FOCAD: variants seen among roughly 807,000 people sequenced by gnomAD.
FOCAD encodes the protein KIAA1797.
A neutral mutation model predicts 225.6 loss-of-function variants in FOCAD; 198 were observed. The ratio of observed to expected loss-of-function variants is 0.88; its 90% CI spans 0.78 to 0.99. The LOEUF is 0.99. Among genes scored for constraint, FOCAD ranks in the 50% least tolerant of loss-of-function variants. The pLI, the probability that FOCAD is intolerant of heterozygous loss-of-function variation, is 0.00. For synonymous variants in FOCAD, 897 were observed against 755.0 expected, an observed-to-expected ratio of 1.19 and a Z score of -3.08; for missense variants, 2,713 against 2,123.6, an observed-to-expected ratio of 1.28 and a Z score of -5.46.
intron 35 of FOCAD, among the ~76,000 whole-genome samples, chr9:20,969,430 A>G (rs1261734750): frequency 2.0e-5 from 3 of 152,004 alleles, no homozygotes; most frequent in African/African-American, 7.3e-5. Flanking sequence ...TTCTGTCAGT[A>G]TTTATATATT....
intron 11 of FOCAD, among the ~76,000 whole-genome samples, chr9:20,800,482 C>T (rs1345440401): frequency 6.6e-6 from 1 of 152,146 alleles, no homozygotes; most frequent in Non-Finnish European, 1.5e-5. Flanking sequence ...CTTTCAGGTA[C>T]ACCAATCAGA....
intron 1 of FOCAD, among the ~76,000 whole-genome samples, chr9:20,713,069 A>T (rs4977831): frequency 7.2e-5 from 11 of 152,052 alleles, no homozygotes; most frequent in Non-Finnish European, 1.3e-4. Context: ...ATTAGCAGCC[A>T]CATTGGCTTT....
intron 5 of FOCAD, among the ~76,000 whole-genome samples, chr9:20,749,460 A>C (rs1201384955): frequency 6.6e-6 from 1 of 152,156 alleles, no homozygotes; most frequent in African/African-American, 2.4e-5. Flanking sequence ...TCTTCTTTAT[A>C]GTGATATTCA....
chr9:20,820,926 A>C lies in FOCAD; in HGVS notation c.1663-15A>C. 1.2e-6 allele frequency: 2 copies of C among 1,603,018 alleles called. No homozygotes were observed. Among genetic ancestry groups the C allele is most frequent in the Non-Finnish European group, 1.7e-6 (2 of 1,175,298 alleles). On this transcript the variant is annotated splice_polypyrimidine_tract_variant and intron_variant, in intron 13 of 43. Transcript: ENST00000338382. ...AAGTTGGGAAACTACCTTTTTTGTA[A>C]AATTGCCTTCGTAGGACCGAGTCTA...
At chr9:20,885,030 G>T in intron 20 of FOCAD, 79 bp from the exon 21 acceptor site, 1 of 893,732 alleles carries the variant, frequency 1.1e-6, no homozygotes, top group African/African-American at 1.8e-5. Context: ...CTGCACTCCA[G>T]CCTGGGCAAC....
In FOCAD at chr9:20,944,676, A is replaced by G; in HGVS notation, c.3457A>G (p.Ser1153Gly). Residue 1153 changes from serine to glycine, a missense_variant, in exon 29 of 44, where the codon AGC becomes GGC. Coordinates refer to ENST00000338382, the MANE Select transcript of FOCAD (RefSeq NM_001375567.1). ...ACTTGTTCTGTCCCTCATGAGCCAC[A>G]GCAGCCAAATGCAGTCCCGCGTTCA... The part of the protein sequence containing the change: ...VGLVLSLMSH[S>G]SQMQSRVHVA... 6.2e-7 allele frequency: 1 copy of G among 1,614,140 alleles called. No individual in the cohort carries two copies. The highest frequency in any genetic ancestry group is 8.5e-7 in the Non-Finnish European group (1 of 1,179,968).
At position 20,976,468 on chromosome 9, in the gene FOCAD, T is replaced by C; in HGVS notation, c.4181T>C (p.Ile1394Thr). 6.2e-7 allele frequency: 1 copy of C among 1,613,252 alleles called. No individual in the cohort carries two copies. The highest frequency in any genetic ancestry group is 8.5e-7 in the Non-Finnish European group (1 of 1,179,332). ...CTTCTTAAAGTAGTGATGAAACCCA[T>C]AGCAACTGTTGGAGAAAGCTACCAA... is the stretch of plus-strand genomic sequence containing the variant. The part of the protein sequence containing the change: ...PSLLKVVMKP[I>T]ATVGESYQYP... Residue 1394 changes from isoleucine to threonine, a missense_variant, in exon 36 of 44, where the codon ATA (isoleucine) becomes ACA (threonine). Coordinates refer to ENST00000338382, the MANE Select transcript of FOCAD (RefSeq NM_001375567.1).
At chr9:20,809,199 A>C (rs1822786594) in intron 11 of FOCAD, among the ~76,000 whole-genome samples, 1 of 152,076 alleles carries the variant, frequency 6.6e-6, no homozygotes, top group African/African-American at 2.4e-5. Context: ...AAGTTTTCCA[A>C]GGTTTTGTTG....
intron 6 of FOCAD, among the ~76,000 whole-genome samples, chr9:20,762,535 A>T (rs778945598): frequency 6.6e-6 from 1 of 152,254 alleles, no homozygotes; most frequent in Non-Finnish European, 1.5e-5. Context: ...TAAATTAATG[A>T]ATGAATAAAA....
intron 8 of FOCAD, among the ~76,000 whole-genome samples, chr9:20,776,526 C>T (rs1818774018): frequency 6.6e-6 from 1 of 152,216 alleles, no homozygotes; most frequent in South Asian, 2.1e-4. Context: ...GTGGTCTAAT[C>T]CTCCACCATT....
chr9:20,701,970 A>G (rs1453168834), intron 1 of FOCAD, among the ~76,000 whole-genome samples: 1 of 152,238 alleles, frequency 6.6e-6, no homozygotes. Context: ...AATGGAAAAA[A>G]CAAGGTATTA....
At chr9:20,807,928 G>C (rs530437193) in intron 11 of FOCAD, among the ~76,000 whole-genome samples, 2 of 152,176 alleles carry the variant, frequency 1.3e-5, no homozygotes, top group South Asian at 4.1e-4. Context: ...GTGCACACCT[G>C]TAATTCCAGC....
At chr9:20,969,715 T>A (rs1046447887) in intron 35 of FOCAD, among the ~76,000 whole-genome samples, 5 of 147,318 alleles carry the variant, frequency 3.4e-5, no homozygotes, top group African/African-American at 1.0e-4. Context: ...TAAAAAAATA[T>A]ATATATATAG....
chr9:20,812,464 T>C (rs1319944790), intron 11 of FOCAD, among the ~76,000 whole-genome samples: 1 of 152,094 alleles, frequency 6.6e-6, no homozygotes, highest in Non-Finnish European at 1.5e-5. Context: ...TTATGCTCTT[T>C]TTTTGCAGCC....
At chr9:20,867,358 G>T (rs1268347800) in intron 18 of FOCAD, among the ~76,000 whole-genome samples, 1 of 151,904 alleles carries the variant, frequency 6.6e-6, no homozygotes, top group East Asian at 1.9e-4. Context: ...TATAGCACCT[G>T]TGCAGCCAAA....
intron 11 of FOCAD, among the ~76,000 whole-genome samples, chr9:20,797,456 A>G (rs1163247579): frequency 6.6e-6 from 1 of 152,118 alleles, no homozygotes; most frequent in Non-Finnish European, 1.5e-5. Flanking sequence ...TGAGCATGGA[A>G]TGTTTTTCCA....
At chr9:20,881,441 A>G (rs1243339859) in intron 19 of FOCAD, among the ~76,000 whole-genome samples, 3 of 152,218 alleles carry the variant, frequency 2.0e-5, no homozygotes, top group Admixed American at 6.5e-5. Flanking sequence ...AGGGACAGGA[A>G]TGACAAAATT....
intron 23 of FOCAD, among the ~76,000 whole-genome samples, chr9:20,916,652 C>T (rs150767054): frequency 2.0e-5 from 3 of 152,274 alleles, no homozygotes; most frequent in South Asian, 2.1e-4. Flanking sequence ...TCTGTACATC[C>T]CCCCTCAGTT....
chr9:20,990,952 G>A (rs1841617223), intron 42 of FOCAD, among the ~76,000 whole-genome samples: 1 of 152,114 alleles, frequency 6.6e-6, no homozygotes, highest in Admixed American at 6.5e-5. Context: ...ACAGAGCTTT[G>A]TAAAGGTCTG....
Sources: allele counts gnomAD v4.1 joint callset (sites outside exome capture counted in the v4.1 genomes callset), GRCh38; gene constraint gnomAD v4.1.1; transcripts MANE v1.5; gene names NCBI Gene and HGNC (gene_info 2026-07-23, HGNC 2026-07-21).